Variants in DARS2 observed in about 807,000 individuals in gnomAD.
The protein encoded by DARS2 is aspartyl-tRNA synthetase 2, mitochondrial.
A neutral mutation model predicts 83.0 loss-of-function variants in DARS2; 63 were observed. That is an observed-to-expected ratio of 0.76 (90% CI 0.62 to 0.94). The LOEUF (loss-of-function observed/expected upper bound fraction) is 0.94, where lower values mean the gene tolerates loss of function less well. Ranked by LOEUF, DARS2 falls within the 40% of genes least tolerant of loss-of-function variation. The pLI, the probability that DARS2 is intolerant of heterozygous loss-of-function variation, is 0.00. For missense variants in DARS2, 675 were observed against 774.4 expected (o/e 0.87, Z 1.52); for synonymous variants, 250 against 269.3 (o/e 0.93, Z 0.70).
In DARS2 at chr1:173,838,238, C is replaced by G. The variant is rs750108784; in HGVS notation, c.819C>G (p.Asp273Glu). Residue 273 changes from aspartate (D) to glutamate (E), a missense_variant, in exon 9 of 17, where the codon GAC becomes GAG. Coordinates refer to ENST00000649689, the MANE Select transcript of DARS2 (RefSeq NM_018122.5). ...ATCGAGATGAAGGTTCAAGACCAGA[C>G]AGACAGCCTGAGTTTACTCAGGTAC... ...RCYRDEGSRP[D>E]RQPEFTQIDI... 1 of 1,613,606 alleles carries G rather than the reference C, an allele frequency of 6.2e-7. No homozygotes were observed. Among genetic ancestry groups the G allele is most frequent in the Non-Finnish European group, 8.5e-7 (1 of 1,179,576 alleles).
intron 7 of DARS2, 64 bp downstream of exon 7, chr1:173,834,583 T>A: frequency 7.8e-7 from 1 of 1,285,612 alleles, no homozygotes; most frequent in Non-Finnish European, 1.1e-6. Context: ...TAGACTACTT[T>A]GCTTTTATAT....
intron 12 of DARS2, among the ~76,000 whole-genome samples, chr1:173,846,729 G>A (rs1414341096): frequency 1.3e-5 from 2 of 150,260 alleles, no homozygotes; most frequent in East Asian, 2.0e-4. Flanking sequence ...CCAGGAGATC[G>A]AGGCTGCAGT....
intron 7 of DARS2, 113 bp from the exon 8 acceptor site, chr1:173,836,827 C>G (rs529699822): frequency 1.1e-6 from 1 of 879,350 alleles, no homozygotes; most frequent in Non-Finnish European, 1.9e-6. Context: ...GAACTTTGTT[C>G]TTTAGTCATT....
In DARS2 at chr1:173,840,850, G is replaced by A; in HGVS notation, c.1021-16G>A. 1 of 1,405,850 alleles carries A rather than the reference G, an allele frequency of 7.1e-7. No homozygotes were observed. 87.1% of individuals were successfully genotyped at this position (1,405,850 alleles called of 1,614,324 possible). On this transcript the variant is annotated splice_polypyrimidine_tract_variant and intron_variant, in intron 10 of 16. Transcript: ENST00000649689. The stretch of plus-strand genomic sequence containing the variant: ...ACTTCATATTTAGTTATCTCTTTTT[G>A]TTACCCATTTTCCAGATTATAGATA...
intron 10 of DARS2, 74 bp from the exon 11 acceptor site, chr1:173,840,792 A>G: frequency 1.2e-6 from 1 of 839,432 alleles, no homozygotes. Flanking sequence ...CTTCTTTAAA[A>G]TCTTGTTTGT....
chr1:173,840,527 G>A (rs1035355272), intron 10 of DARS2, among the ~76,000 whole-genome samples: 5 of 152,150 alleles, frequency 3.3e-5, no homozygotes, highest in Non-Finnish European at 7.4e-5. Context: ...CCTCTGCGCC[G>A]AGCCTGGAAT....
chr1:173,834,771 TTTTTTTTTTTG>T (rs1652936787), intron 7 of DARS2, among the ~76,000 whole-genome samples: 3 of 76,688 alleles, frequency 3.9e-5, no homozygotes, highest in African/African-American at 2.6e-4. Flanking sequence ...TTGTTTTGGG[TTTTTTTTTTTG>T]TTTTTTTTTT....
At chr1:173,850,975 C>A (rs1362722826) in intron 13 of DARS2, among the ~76,000 whole-genome samples, 1 of 151,888 alleles carries the variant, frequency 6.6e-6, no homozygotes, top group Non-Finnish European at 1.5e-5. Flanking sequence ...TGGTGGCTAA[C>A]GCCTGTAATC....
intron 7 of DARS2, among the ~76,000 whole-genome samples, chr1:173,835,988 C>G (rs1652989264): frequency 6.6e-6 from 1 of 151,514 alleles, no homozygotes; most frequent in Admixed American, 6.6e-5. Context: ...ACCCAGGAGG[C>G]AGAGGTTGTA....
intron 7 of DARS2, among the ~76,000 whole-genome samples, chr1:173,835,806 T>G (rs1281176188): frequency 1.3e-5 from 2 of 151,534 alleles, no homozygotes; most frequent in Non-Finnish European, 2.9e-5. Flanking sequence ...GTAATCCCAG[T>G]ACTTTGGGAG....
rs1653607279 is a variant in DARS2 at position 173,850,334 on chromosome 1, T to C, written c.1199T>C (p.Leu400Ser). 1.2e-6 allele frequency: 2 copies of C among 1,610,812 alleles called. No individual in the cohort carries two copies. Among genetic ancestry groups the C allele is most frequent in the African/African-American group, 1.3e-5 (1 of 74,796 alleles). ...TCTTTTTCTTTTACACAGGAAATCTTACCTGTATTCCTTAACGCCAATAGA... is the reference window on the plus strand; with the variant it reads ...TCTTTTTCTTTTACACAGGAAATCTCACCTGTATTCCTTAACGCCAATAGA... ...FAADHFNQEI[L>S]PVFLNANRNW... The change falls in exon 13 of 17, where the codon TTA becomes TCA. Residue 400 changes from leucine (L) to serine (S), a missense_variant. Coordinates refer to ENST00000649689, the MANE Select transcript of DARS2 (RefSeq NM_018122.5).
intron 13 of DARS2, among the ~76,000 whole-genome samples, chr1:173,851,488 G>A (rs1653666783): frequency 6.6e-6 from 1 of 152,196 alleles, no homozygotes; most frequent in African/African-American, 2.4e-5. Flanking sequence ...GACCACTGGC[G>A]AGCTGGAGGG....
At chr1:173,830,590 T>C in intron 3 of DARS2, 70 bp from the exon 4 acceptor site, 1 of 1,258,402 alleles carries the variant, frequency 7.9e-7, no homozygotes, top group South Asian at 1.2e-5. Context: ...TTAAACCATC[T>C]ACTTATAATT....
At chr1:173,853,705 A>G in intron 14 of DARS2, 90 bp from the exon 15 acceptor site, 1 of 1,483,668 alleles carries the variant, frequency 6.7e-7, no homozygotes, top group Non-Finnish European at 9.4e-7. Flanking sequence ...TAGTAGTAAT[A>G]CATTGTCTTT....
In DARS2 at chr1:173,839,421, G is replaced by A; in HGVS notation, c.895G>A (p.Gly299Ser). 6.2e-7 allele frequency: 1 copy of A among 1,614,082 alleles called. No homozygotes were observed. The highest frequency in any genetic ancestry group is 8.5e-7 in the Non-Finnish European group (1 of 1,180,004). ...GACTGGGATCCAGAGTTTAATTGAG[G>A]GTTTGCTCCAGTATTCCTGGCCCAA... Reference protein sequence around the residue: ...DQTGIQSLIEGLLQYSWPNDK... With the variant: ...DQTGIQSLIESLLQYSWPNDK... The change falls in exon 10 of 17, where the codon GGT becomes AGT. Residue 299 changes from glycine (G) to serine (S), a missense_variant. Physicochemically the swap from Gly to Ser is moderately conservative, Grantham distance 56. Coordinates refer to ENST00000649689, the MANE Select transcript of DARS2 (RefSeq NM_018122.5).
intron 12 of DARS2, among the ~76,000 whole-genome samples, chr1:173,846,057 C>A (rs1391372719): frequency 6.6e-6 from 1 of 151,924 alleles, no homozygotes; most frequent in East Asian, 1.9e-4. Flanking sequence ...ACTCTGGAGG[C>A]TGAGGCAGGA....
chr1:173,848,135 G>A (rs1023275908), intron 12 of DARS2, among the ~76,000 whole-genome samples: 3 of 152,126 alleles, frequency 2.0e-5, no homozygotes, highest in African/African-American at 7.2e-5. Context: ...TTACAGGCGT[G>A]AGCCACCGTG....
chr1:173,845,592 G>A (rs1444454691), intron 12 of DARS2, among the ~76,000 whole-genome samples: 1 of 152,116 alleles, frequency 6.6e-6, no homozygotes, highest in Non-Finnish European at 1.5e-5. Context: ...CCACCATGCT[G>A]CCCAGTTGCA....
Position 173,830,686 on chromosome 1 carries a change from A to C in DARS2, c.321A>C (p.Leu107Phe). The change falls in exon 4 of 17, where the codon TTA becomes TTC. Residue 107 changes from leucine (L) to phenylalanine (F), a missense_variant. By Grantham distance (22) the Leu-to-Phe change is conservative (BLOSUM62 0). Transcript: ENST00000649689. ...CGGCAGCCTCTGTGAAGAAGATTTT[A>C]TGTGAAGCCCCTGTGGAATCTGTGG... is the stretch of plus-strand genomic sequence containing the variant. Reference protein sequence around the residue: ...DESAASVKKILCEAPVESVVQ... With the variant: ...DESAASVKKIFCEAPVESVVQ... 6.2e-7 allele frequency: 1 copy of C among 1,613,976 alleles called. No homozygotes were observed. The highest frequency in any genetic ancestry group is 1.1e-5 in the South Asian group (1 of 91,078).
Sources: gnomAD v4.1 joint callset for allele counts (sites outside exome capture counted in the v4.1 genomes callset) on GRCh38, gnomAD v4.1.1 for gene constraint, MANE v1.5 for transcripts, NCBI Gene and HGNC (gene_info 2026-07-23, HGNC 2026-07-21) for gene names.